Variants in NKAIN2 observed in about 807,000 individuals in gnomAD.
The protein encoded by NKAIN2 is sodium/potassium transporting ATPase interacting 2, also known as sodium/potassium-transporting ATPase subunit beta-1-interacting protein 2.
A neutral mutation model predicts 32.6 loss-of-function variants in NKAIN2; 14 were observed. That is an observed-to-expected ratio of 0.43 (90% CI 0.28 to 0.67). The LOEUF (loss-of-function observed/expected upper bound fraction) is 0.67, where lower values mean the gene tolerates loss of function less well. NKAIN2 is among the 30% of genes least tolerant of loss of function. NKAIN2 has a pLI of 0.17. For missense variants in NKAIN2, 198 were observed against 258.3 expected (o/e 0.77, Z 1.60); for synonymous variants, 80 against 87.2 (o/e 0.92, Z 0.46).
intron 5 of NKAIN2, among the ~76,000 whole-genome samples, chr6:124,798,000 C>G (rs1780078516): frequency 6.6e-6 from 1 of 152,038 alleles, no homozygotes. Context: ...TGCCTGCCTT[C>G]TTACCTTCCT....
chr6:124,339,827 G>T (rs769175329), intron 2 of NKAIN2, among the ~76,000 whole-genome samples: 2 of 152,094 alleles, frequency 1.3e-5, no homozygotes, highest in Non-Finnish European at 2.9e-5. Flanking sequence ...GCGTGTGGAA[G>T]GTCGGGGGAG....
At chr6:124,527,617 A>T (rs1291543167) in intron 3 of NKAIN2, among the ~76,000 whole-genome samples, 1 of 152,184 alleles carries the variant, frequency 6.6e-6, no homozygotes, top group African/African-American at 2.4e-5. Flanking sequence ...TTGAGCACCT[A>T]CAATAACTCA....
chr6:124,809,103 G>A (rs1341265779), intron 5 of NKAIN2, among the ~76,000 whole-genome samples: 2 of 152,158 alleles, frequency 1.3e-5, no homozygotes, highest in African/African-American at 4.8e-5. Flanking sequence ...AGCTACCAAT[G>A]CCTTTCTTCA....
intron 1 of NKAIN2, among the ~76,000 whole-genome samples, chr6:123,914,468 G>A (rs535903771): frequency 6.6e-6 from 1 of 152,182 alleles, no homozygotes; most frequent in African/African-American, 2.4e-5. Context: ...CCACCATTAT[G>A]GCTTTATTTA....
intron 1 of NKAIN2, among the ~76,000 whole-genome samples, chr6:124,126,867 A>G (rs1410505032): frequency 6.6e-6 from 1 of 152,136 alleles, no homozygotes; most frequent in Non-Finnish European, 1.5e-5. Flanking sequence ...AAGCGAGAAG[A>G]CTGCTTGAGA....
At chr6:124,570,295 C>G (rs1039971991) in intron 3 of NKAIN2, among the ~76,000 whole-genome samples, 3 of 152,160 alleles carry the variant, frequency 2.0e-5, no homozygotes, top group Non-Finnish European at 4.4e-5. Context: ...AGGAGAAATT[C>G]AAGCTGGCTG....
intron 1 of NKAIN2, among the ~76,000 whole-genome samples, chr6:123,871,837 G>A (rs911089322): frequency 6.6e-6 from 1 of 151,994 alleles, no homozygotes; most frequent in Non-Finnish European, 1.5e-5. Context: ...TTCATTGACT[G>A]GTATTTTAGT....
intron 1 of NKAIN2, among the ~76,000 whole-genome samples, chr6:123,916,345 C>G (rs1190026898): frequency 6.6e-6 from 1 of 152,106 alleles, no homozygotes; most frequent in African/African-American, 2.4e-5. Context: ...CTCCACCTCC[C>G]TGGTTCAAAC....
chr6:124,678,950 T>C (rs1409427590), intron 4 of NKAIN2, among the ~76,000 whole-genome samples: 1 of 152,050 alleles, frequency 6.6e-6, no homozygotes. Context: ...ATCAGAGCGA[T>C]TTACTAGTTT....
At chr6:124,061,147 C>T (rs1250281233) in intron 1 of NKAIN2, among the ~76,000 whole-genome samples, 1 of 152,068 alleles carries the variant, frequency 6.6e-6, no homozygotes, top group Non-Finnish European at 1.5e-5. Flanking sequence ...GCTAAGATTG[C>T]TCACAAATTG....
At chr6:124,464,320 G>A (rs11969061) in intron 3 of NKAIN2, among the ~76,000 whole-genome samples, 17,237 of 151,846 alleles carry the variant, frequency 0.11, 3,149 homozygotes, top group African/African-American at 0.39. Context: ...AGTCCTTAAC[G>A]AAGTAAGATA....
At chr6:124,214,005 A>G (rs1479872086) in intron 1 of NKAIN2, among the ~76,000 whole-genome samples, 1 of 152,202 alleles carries the variant, frequency 6.6e-6, no homozygotes, top group Non-Finnish European at 1.5e-5. Flanking sequence ...TACTATTCAC[A>G]ATATAATGAT....
chr6:124,441,846 A>G (rs768019218), intron 3 of NKAIN2, among the ~76,000 whole-genome samples: 3 of 152,136 alleles, frequency 2.0e-5, no homozygotes, highest in South Asian at 2.1e-4. Flanking sequence ...ACTTTCCACC[A>G]TATCTGTGGC....
At chr6:124,378,982 C>T (rs1800106419) in intron 3 of NKAIN2, among the ~76,000 whole-genome samples, 1 of 149,040 alleles carries the variant, frequency 6.7e-6, no homozygotes, top group Non-Finnish European at 1.5e-5. Context: ...GTACCAGCTA[C>T]TTATGAGGCT....
intron 3 of NKAIN2, among the ~76,000 whole-genome samples, chr6:124,613,107 C>T (rs909293086): frequency 6.6e-6 from 1 of 152,048 alleles, no homozygotes; most frequent in African/African-American, 2.4e-5. Context: ...AATTAATCAG[C>T]CTTGGAAGAA....
At chr6:124,604,952 C>T (rs898198905) in intron 3 of NKAIN2, among the ~76,000 whole-genome samples, 1 of 151,916 alleles carries the variant, frequency 6.6e-6, no homozygotes, top group Non-Finnish European at 1.5e-5. Context: ...AGGAAAGACA[C>T]CCATTAATAT....
intron 3 of NKAIN2, among the ~76,000 whole-genome samples, chr6:124,436,353 C>A (rs1032700730): frequency 6.6e-6 from 1 of 152,090 alleles, no homozygotes; most frequent in African/African-American, 2.4e-5. Context: ...GAGGACTTTT[C>A]CAATTAAAGC....
intron 4 of NKAIN2, among the ~76,000 whole-genome samples, chr6:124,686,418 A>C (rs552962851): frequency 1.2e-3 from 178 of 152,232 alleles, no homozygotes; most frequent in African/African-American, 4.2e-3. Context: ...GGCAGAAGGC[A>C]AAAAGGGAGC....
At chr6:124,194,648 C>T (rs1790221674) in intron 1 of NKAIN2, among the ~76,000 whole-genome samples, 1 of 151,794 alleles carries the variant, frequency 6.6e-6, no homozygotes, top group Non-Finnish European at 1.5e-5. Flanking sequence ...TCATAGATGG[C>T]TTAGGTATTT....
Sources: allele counts gnomAD v4.1 joint callset (sites outside exome capture counted in the v4.1 genomes callset), GRCh38; gene constraint gnomAD v4.1.1; transcripts MANE v1.5; gene names NCBI Gene and HGNC (gene_info 2026-07-23, HGNC 2026-07-21).